MYO3B: variants seen among roughly 807,000 people sequenced by gnomAD.
The protein encoded by MYO3B is myosin-IIIb.
A neutral mutation model predicts 174.6 loss-of-function variants in MYO3B; 156 were observed. That is an observed-to-expected ratio of 0.89 (90% confidence interval 0.78 to 1.02). The LOEUF is 1.02. Ranked by LOEUF, MYO3B falls within the 50% of genes least tolerant of loss-of-function variation. The pLI, the probability that MYO3B is intolerant of heterozygous loss-of-function variation, is 0.00. For synonymous variants in MYO3B, 563 were observed against 569.1 expected (o/e 0.99, Z 0.15); for missense variants, 1,632 against 1,639.4 (o/e 1.00, Z 0.08).
intron 29 of MYO3B, among the ~76,000 whole-genome samples, chr2:170,517,818 G>T (rs77103479): frequency 8.6e-5 from 13 of 151,880 alleles, no homozygotes; most frequent in African/African-American, 3.1e-4. Context: ...ATCTCCAAGA[G>T]GGGGGAAAAC....
chr2:170,284,851 G>A (rs2093542073), intron 7 of MYO3B, among the ~76,000 whole-genome samples: 1 of 152,044 alleles, frequency 6.6e-6, no homozygotes, highest in South Asian at 2.1e-4. Context: ...AATAAAATTG[G>A]TGTGTATTTT....
At chr2:170,317,487 G>A (rs769141614) in intron 7 of MYO3B, among the ~76,000 whole-genome samples, 31 of 152,138 alleles carry the variant, frequency 2.0e-4, no homozygotes, top group Non-Finnish European at 3.7e-4. Context: ...GAAAAACATG[G>A]AGTTAGGGCC....
At chr2:170,471,895 G>T (rs1278986327) in intron 25 of MYO3B, among the ~76,000 whole-genome samples, 1 of 151,902 alleles carries the variant, frequency 6.6e-6, no homozygotes, top group Non-Finnish European at 1.5e-5. Context: ...GGAGGCGGAG[G>T]CAGGAGAATT....
At chr2:170,635,538 A>C (rs1024309847) in intron 32 of MYO3B, among the ~76,000 whole-genome samples, 3 of 152,104 alleles carry the variant, frequency 2.0e-5, no homozygotes, top group Admixed American at 6.6e-5. Flanking sequence ...GGGTGCAGCA[A>C]ACCAACACAA....
chr2:170,298,678 C>CAAAAAAA (rs71399527), intron 7 of MYO3B, among the ~76,000 whole-genome samples: 1 of 63,340 alleles, frequency 1.6e-5, no homozygotes, highest in East Asian at 5.8e-4. Context: ...GACTCTGTCT[C>CAAAAAAA]AAAAAAAAAA....
intron 7 of MYO3B, among the ~76,000 whole-genome samples, chr2:170,243,804 A>G (rs1032909440): frequency 6.6e-6 from 1 of 152,190 alleles, no homozygotes; most frequent in Non-Finnish European, 1.5e-5. Context: ...TAATTGATTG[A>G]TTGATGATTG....
chr2:170,239,028 G>A (rs2093102062), intron 7 of MYO3B, among the ~76,000 whole-genome samples: 1 of 152,192 alleles, frequency 6.6e-6, no homozygotes, highest in Admixed American at 6.5e-5. Flanking sequence ...TGCTGAACCT[G>A]TCAGCATGTG....
At chr2:170,303,790 A>T (rs1451672317) in intron 7 of MYO3B, among the ~76,000 whole-genome samples, 3 of 152,130 alleles carry the variant, frequency 2.0e-5, no homozygotes, top group Non-Finnish European at 4.4e-5. Context: ...GTTTATGCAT[A>T]CATGTTTTTC....
intron 32 of MYO3B, among the ~76,000 whole-genome samples, chr2:170,642,317 G>C (rs1698038656): frequency 6.6e-6 from 1 of 152,108 alleles, no homozygotes; most frequent in African/African-American, 2.4e-5. Flanking sequence ...ATTCCACATA[G>C]ACAATTTATA....
intron 6 of MYO3B, among the ~76,000 whole-genome samples, chr2:170,218,286 G>T (rs535781492): frequency 6.2e-4 from 94 of 152,014 alleles, no homozygotes; most frequent in Non-Finnish European, 1.2e-3. Context: ...TAAAGAAAAA[G>T]AAAAATGCTG....
chr2:170,278,524 G>A (rs1427962573), intron 7 of MYO3B, among the ~76,000 whole-genome samples: 1 of 151,986 alleles, frequency 6.6e-6, no homozygotes, highest in Non-Finnish European at 1.5e-5. Context: ...ATGTTCATGT[G>A]ATGTTTTATG....
intron 9 of MYO3B, among the ~76,000 whole-genome samples, chr2:170,375,053 T>C (rs2094281149): frequency 6.6e-6 from 1 of 152,202 alleles, no homozygotes; most frequent in Non-Finnish European, 1.5e-5. Flanking sequence ...TAAAACTATG[T>C]GAACAATGGG....
intron 6 of MYO3B, among the ~76,000 whole-genome samples, chr2:170,219,645 C>G (rs1384361626): frequency 7.8e-6 from 1 of 127,426 alleles, no homozygotes; most frequent in South Asian, 2.5e-4. Flanking sequence ...CTCTGTCTCT[C>G]AAAAAAAAAA....
At chr2:170,310,778 AAT>A (rs1230738295) in intron 7 of MYO3B, among the ~76,000 whole-genome samples, 1 of 151,920 alleles carries the variant, frequency 6.6e-6, no homozygotes, top group South Asian at 2.1e-4. Flanking sequence ...TTTCTGGTTG[AAT>A]ATGTCTAAAG....
chr2:170,568,757 G>A (rs10180861), intron 32 of MYO3B, among the ~76,000 whole-genome samples: 18,537 of 152,194 alleles, frequency 0.12, 3,047 homozygotes, highest in African/African-American at 0.37. Context: ...TGAAAATTGC[G>A]TGAACTGTGG....
chr2:170,216,311 G>A (rs924672998), intron 5 of MYO3B, among the ~76,000 whole-genome samples: 1 of 152,152 alleles, frequency 6.6e-6, no homozygotes, highest in Non-Finnish European at 1.5e-5. Context: ...AATACCTTAT[G>A]TGTGTAAAAT....
intron 30 of MYO3B, among the ~76,000 whole-genome samples, chr2:170,538,024 A>G (rs1423647430): frequency 6.6e-6 from 1 of 152,212 alleles, no homozygotes; most frequent in Non-Finnish European, 1.5e-5. Flanking sequence ...AATCTTGAAA[A>G]CTTTATCAAA....
chr2:170,415,358 T>G (rs1327005229), intron 22 of MYO3B, among the ~76,000 whole-genome samples: 1 of 152,228 alleles, frequency 6.6e-6, no homozygotes, highest in Non-Finnish European at 1.5e-5. Context: ...TTCAACCTAT[T>G]CAACATTTTA....
chr2:170,369,472 T>A, intron 9 of MYO3B, 95 bp downstream of exon 9: 1 of 1,334,614 alleles, frequency 7.5e-7, no homozygotes, highest in South Asian at 1.5e-5. Flanking sequence ...TGGTAGTTAT[T>A]ACATTCCTGC....
Sources: allele counts gnomAD v4.1 joint callset (sites outside exome capture counted in the v4.1 genomes callset), GRCh38; gene constraint gnomAD v4.1.1; transcripts MANE v1.5; gene names NCBI Gene and HGNC (gene_info 2026-07-23, HGNC 2026-07-21).